Variants in PPIL4 observed in about 807,000 individuals in gnomAD.
The protein encoded by PPIL4 is peptidylprolyl isomerase like 4, also known as peptidyl-prolyl cis-trans isomerase-like 4.
Under a neutral mutation model 69.1 loss-of-function variants are expected in PPIL4, and 50 were observed. That is an observed-to-expected ratio of 0.72 (90% CI 0.58 to 0.92). The LOEUF (loss-of-function observed/expected upper bound fraction) is 0.92. PPIL4 is among the 40% of genes least tolerant of loss of function. The probability of loss-of-function intolerance (pLI) is 0.00; values close to 1 mark genes in which losing one functional copy is unlikely to be tolerated. For missense variants in PPIL4, 480 were observed against 587.9 expected (o/e 0.82, Z 1.90); for synonymous variants, 193 against 191.6 (o/e 1.01, Z -0.06).
chr6:149,534,862 A>G, intron 5 of PPIL4, 88 bp from the exon 6 acceptor site: 3 of 783,968 alleles, frequency 3.8e-6, no homozygotes, highest in Non-Finnish European at 5.9e-6. Context: ...AAATTACTTG[A>G]TTATCTCTAA....
rs750397034 is a variant in PPIL4, at chr6:149,541,024, G to T, written c.239C>A (p.Ala80Glu). Residue 80 changes from alanine to glutamate, a missense_variant, in exon 4 of 13, where the codon GCA (alanine) becomes GAA (glutamate). Coordinates refer to ENST00000253329, the MANE Select transcript of PPIL4 (RefSeq NM_139126.4). ...LYGDQASFFE[A>E]EKVPRIKHKK... ...GTGCTTAATTCTTGGGACTTTTTCTGCCTCAAAAAAGCTTGCTTGATCACC... is the reference window on the plus strand; with the variant it reads ...GTGCTTAATTCTTGGGACTTTTTCTTCCTCAAAAAAGCTTGCTTGATCACC... 1.2e-6 allele frequency: 2 copies of T among 1,611,900 alleles called. No homozygotes were observed. Among genetic ancestry groups the T allele is most frequent in the Non-Finnish European group, 8.5e-7 (1 of 1,178,590 alleles).
chr6:149,529,761 T>A (rs1337595115), intron 7 of PPIL4, among the ~76,000 whole-genome samples: 13 of 79,182 alleles, frequency 1.6e-4, no homozygotes, highest in Non-Finnish European at 2.4e-4. Context: ...AGACTCCGTC[T>A]CAAAAAAAAA....
At chr6:149,519,590 A>T (rs534753997) in intron 10 of PPIL4, among the ~76,000 whole-genome samples, 1 of 152,344 alleles carries the variant, frequency 6.6e-6, no homozygotes, top group East Asian at 1.9e-4. Context: ...AGAAACTAAT[A>T]GTACATGGAA....
intron 12 of PPIL4, among the ~76,000 whole-genome samples, chr6:149,506,366 G>A (rs1346983834): frequency 6.6e-6 from 1 of 152,138 alleles, no homozygotes; most frequent in African/African-American, 2.4e-5. Flanking sequence ...CAGCTACTCG[G>A]GAGGCTGAGG....
In PPIL4 at chr6:149,521,179, T is replaced by C. The variant is rs115057235; in HGVS notation, c.871-8A>G. ...TTTCTCACAATCTTCTTCCTGATAA[T>C]AATTATAAAAACTCAAGCATAAATC... On this transcript the variant is annotated splice_region_variant and splice_polypyrimidine_tract_variant and intron_variant, in intron 9 of 12. Coordinates refer to ENST00000253329, the MANE Select transcript of PPIL4 (RefSeq NM_139126.4). 438 of 1,447,420 alleles carry C rather than the reference T, an allele frequency of 3.0e-4. 3 individuals are homozygous for C. In the African/African-American group the frequency reaches 5.4e-3, roughly 18 times the overall value. The allele number at this position is 1,447,420 out of a possible 1,614,324, so 89.7% of individuals were successfully genotyped here.
intron 8 of PPIL4, 107 bp downstream of exon 8, chr6:149,526,545 T>G: frequency 9.5e-7 from 1 of 1,047,146 alleles, no homozygotes; most frequent in South Asian, 1.5e-5. Flanking sequence ...AATTCACCAG[T>G]ACAAAATTCG....
chr6:149,538,755 G>A (rs1011881040), intron 4 of PPIL4, among the ~76,000 whole-genome samples: 16 of 152,180 alleles, frequency 1.1e-4, no homozygotes, highest in African/African-American at 3.9e-4. Context: ...TAGAAGTAGA[G>A]CCTGAAGATG....
chr6:149,529,273 C>A (rs1297418547), intron 7 of PPIL4, among the ~76,000 whole-genome samples: 1 of 150,016 alleles, frequency 6.7e-6, no homozygotes, highest in African/African-American at 2.4e-5. Flanking sequence ...CCAGGCCGGG[C>A]AACATAGTGA....
At chr6:149,533,599 T>A in intron 6 of PPIL4, 25 bp from the exon 7 acceptor site, 1 of 1,309,796 alleles carries the variant, frequency 7.6e-7, no homozygotes, top group South Asian at 1.3e-5. Context: ...GTTACTCATG[T>A]ATATATTTAA....
At chr6:149,540,213 G>A (rs986027968) in intron 4 of PPIL4, among the ~76,000 whole-genome samples, 9 of 152,160 alleles carry the variant, frequency 5.9e-5, no homozygotes, top group African/African-American at 2.2e-4. Context: ...GAAAACAGAA[G>A]TACCTACTCT....
chr6:149,524,662 G>A (rs983261113), intron 9 of PPIL4, among the ~76,000 whole-genome samples: 24 of 152,158 alleles, frequency 1.6e-4, no homozygotes, highest in African/African-American at 4.3e-4. Flanking sequence ...CACTTTGGGA[G>A]GCCGAGGCAG....
At chr6:149,524,940 G>A (rs1171172901) in intron 9 of PPIL4, among the ~76,000 whole-genome samples, 2 of 151,676 alleles carry the variant, frequency 1.3e-5, no homozygotes, top group Admixed American at 1.3e-4. Flanking sequence ...CATGCAGATT[G>A]CACCTGAACC....
chr6:149,541,006 A>G lies in PPIL4; in HGVS notation c.257T>C (p.Ile86Thr). The change falls in exon 4 of 13, where the codon ATT (isoleucine) becomes ACT (threonine). Residue 86 changes from isoleucine (I) to threonine (T), a missense_variant. Physicochemically the swap from Ile to Thr is moderately conservative, Grantham distance 89. Coordinates refer to ENST00000253329, the MANE Select transcript of PPIL4 (RefSeq NM_139126.4). Reference protein sequence around the residue: ...SFFEAEKVPRIKHKKKGTVSM... With the variant: ...SFFEAEKVPRTKHKKKGTVSM... ...CACTGTGCCTTTCTTCTTGTGCTTA[A>G]TTCTTGGGACTTTTTCTGCCTCAAA... 1 of 1,612,660 alleles carries G rather than the reference A, an allele frequency of 6.2e-7. No individual in the cohort carries two copies. Among genetic ancestry groups the G allele is most frequent in the South Asian group, 1.1e-5 (1 of 90,998 alleles).
intron 12 of PPIL4, among the ~76,000 whole-genome samples, chr6:149,510,681 G>T (rs1226833703): frequency 6.6e-6 from 1 of 152,132 alleles, no homozygotes; most frequent in African/African-American, 2.4e-5. Context: ...GGCGGAGGTT[G>T]CAGTGAGCCG....
At chr6:149,526,527 C>T in intron 8 of PPIL4, 125 bp downstream of exon 8, 1 of 791,136 alleles carries the variant, frequency 1.3e-6, no homozygotes, top group Admixed American at 2.6e-5. Context: ...CAAAGACTCA[C>T]CTGTAAAAAT....
At chr6:149,544,161 C>T (rs1349615621) in intron 1 of PPIL4, among the ~76,000 whole-genome samples, 5 of 152,118 alleles carry the variant, frequency 3.3e-5, no homozygotes, top group Non-Finnish European at 5.9e-5. Context: ...TTTATTTTGC[C>T]AGGTGCTACT....
rs773672574 is a variant in PPIL4 at position 149,541,636 on chromosome 6, T to C, written c.71-50A>G. ...TATCACAGTAATCCACAAACACATT[T>C]TTAAATAAGTAAAGCCACAGTAAAA... On this transcript the variant is annotated intron_variant, in intron 1 of 12. Transcript: ENST00000253329. 3 of 1,003,792 alleles carry C rather than the reference T, an allele frequency of 3.0e-6. No homozygotes were observed. In the East Asian group the frequency reaches 7.2e-5, roughly 24 times the overall value. The allele number at this position is 1,003,792 out of a possible 1,614,324, so 62.2% of individuals were successfully genotyped here.
At chr6:149,532,760 G>A (rs1319414026) in intron 7 of PPIL4, among the ~76,000 whole-genome samples, 3 of 152,144 alleles carry the variant, frequency 2.0e-5, no homozygotes, top group Non-Finnish European at 4.4e-5. Context: ...GCTGCAGCAA[G>A]CTATGATCAT....
chr6:149,531,290 G>A (rs549603222), intron 7 of PPIL4, among the ~76,000 whole-genome samples: 15 of 151,452 alleles, frequency 9.9e-5, no homozygotes, highest in African/African-American at 3.2e-4. Context: ...GCTTGAACCC[G>A]GGAGGCAGAG....
Sources: gnomAD v4.1 joint callset for allele counts (sites outside exome capture counted in the v4.1 genomes callset) on GRCh38, gnomAD v4.1.1 for gene constraint, MANE v1.5 for transcripts, NCBI Gene and HGNC (gene_info 2026-07-23, HGNC 2026-07-21) for gene names.